The following OTUD7A variants were observed in gnomAD, a reference collection of about 807,000 sequenced individuals.
The protein encoded by OTUD7A is OTU domain-containing protein 7A.
OTUD7A carries 12 observed loss-of-function variants against 65.7 expected under a neutral mutation model. The ratio of observed to expected loss-of-function variants is 0.18; its 90% CI spans 0.12 to 0.30. The LOEUF (loss-of-function observed/expected upper bound fraction) is 0.30. Ranked by LOEUF, OTUD7A falls within the 10% of genes least tolerant of loss-of-function variation. The pLI, the probability that OTUD7A is intolerant of heterozygous loss-of-function variation, is 1.00. For synonymous variants in OTUD7A, 641 were observed against 586.3 expected (o/e 1.09, Z -1.35); for missense variants, 1,148 against 1,304.8 (o/e 0.88, Z 1.85).
intron 1 of OTUD7A, among the ~76,000 whole-genome samples, chr15:31,691,536 T>C (rs1489545331): frequency 6.6e-6 from 1 of 152,022 alleles, no homozygotes; most frequent in Non-Finnish European, 1.5e-5. Context: ...AATATCCATA[T>C]GCAGAAGAAT....
In OTUD7A at chr15:31,484,094, C is replaced by T; in HGVS notation, c.2002G>A (p.Ala668Thr). The T allele has an allele frequency of 1.2e-6, 2 of 1,601,348 alleles. No homozygotes were observed. The highest frequency in any genetic ancestry group is 8.5e-7 in the Non-Finnish European group (1 of 1,178,690). Residue 668 changes from alanine to threonine, a missense_variant, in exon 13 of 13, where the codon GCG becomes ACG. Ala to Thr is a moderately conservative substitution (Grantham distance 58). This residue lies in a region of OTUD7A where 842 missense variants were observed against 769.5 expected (regional missense o/e 1.09). Transcript: ENST00000307050. The surrounding 1 kb of genome is among the most constrained non-coding windows in gnomAD (Gnocchi z 4.5). ...TGCTCGGCGCTGAAGCGCTCCTGCG[C>T]GCTCGTCAGGTAGTAGCCGATCATC... The part of the protein sequence containing the change: ...EEMIGYYLTS[A>T]QERFSAEQEQ...
At chr15:31,792,246 CCTGA>C (rs1567025074) in intron 1 of OTUD7A, among the ~76,000 whole-genome samples, 1 of 152,184 alleles carries the variant, frequency 6.6e-6, no homozygotes, top group African/African-American at 2.4e-5. Context: ...GAATGTGTCT[CCTGA>C]CTGACACCCC....
intron 8 of OTUD7A, among the ~76,000 whole-genome samples, chr15:31,510,257 C>T (rs1238922762): frequency 1.3e-5 from 2 of 152,094 alleles, no homozygotes; most frequent in African/African-American, 4.8e-5. Flanking sequence ...TAGGTCCTTT[C>T]ATCTTGTTGG....
intron 8 of OTUD7A, among the ~76,000 whole-genome samples, chr15:31,524,713 C>G (rs542494646): frequency 1.3e-5 from 2 of 152,306 alleles, no homozygotes; most frequent in African/African-American, 4.8e-5. Flanking sequence ...GCAGCCAGAA[C>G]TATGGCTCCC....
intron 10 of OTUD7A, among the ~76,000 whole-genome samples, chr15:31,497,605 T>G (rs2041406487): frequency 6.6e-6 from 1 of 152,142 alleles, no homozygotes; most frequent in Non-Finnish European, 1.5e-5. Context: ...ACACCTTCCA[T>G]GAAACAAAGC....
chr15:31,765,915 G>A, intron 1 of OTUD7A: 9 of 1,274,186 alleles, frequency 7.1e-6, no homozygotes, highest in Non-Finnish European at 1.0e-5. Context: ...CTCCTTTAGA[G>A]GTAAAGTCCT....
At chr15:31,502,301 T>C (rs1161513959) in intron 9 of OTUD7A, among the ~76,000 whole-genome samples, 1 of 152,188 alleles carries the variant, frequency 6.6e-6, no homozygotes, top group East Asian at 1.9e-4. Flanking sequence ...AGATGGGAAC[T>C]GAGAATCAGA....
chr15:31,560,418 A>G (rs1172859414), intron 4 of OTUD7A, among the ~76,000 whole-genome samples: 1 of 152,224 alleles, frequency 6.6e-6, no homozygotes, highest in Non-Finnish European at 1.5e-5. Context: ...CTAAGGTACA[A>G]TATGTTACCA....
rs114840521 is a variant in OTUD7A, at chr15:31,858,545, A to T, written c.-100+11962T>A. ...AAGGGCACAAAGACTCGTCCAAGGAAAACACTATTAAGGAGGGAAAGCAGG... is the reference window on the plus strand; with the variant it reads ...AAGGGCACAAAGACTCGTCCAAGGATAACACTATTAAGGAGGGAAAGCAGG... On this transcript the variant is annotated intron_variant, in intron 1 of 12. Transcript: ENST00000307050. 7.0e-3 allele frequency among the ~76,000 whole-genome samples: 1,067 copies of T among 152,298 alleles called. 15 individuals are homozygous for T. Among genetic ancestry groups the T allele is most frequent in the African/African-American group, 0.025 (1,027 of 41,554 alleles).
At chr15:31,601,293 A>G (rs1166309637) in intron 3 of OTUD7A, among the ~76,000 whole-genome samples, 3 of 152,256 alleles carry the variant, frequency 2.0e-5, no homozygotes, top group Non-Finnish European at 4.4e-5. Flanking sequence ...ATTAGAACTC[A>G]GGATTAAGAA....
At chr15:31,844,322 T>C (rs957539960) in intron 1 of OTUD7A, among the ~76,000 whole-genome samples, 1 of 152,172 alleles carries the variant, frequency 6.6e-6, no homozygotes, top group African/African-American at 2.4e-5. Flanking sequence ...CTGACCAGCA[T>C]AGTGAAACCC....
chr15:31,753,706 A>T (rs1444337613), intron 1 of OTUD7A, among the ~76,000 whole-genome samples: 3 of 70,760 alleles, frequency 4.2e-5, no homozygotes. Context: ...TATATATTAT[A>T]TATATATATA....
At chr15:31,509,489 C>T (rs2041643043) in intron 8 of OTUD7A, among the ~76,000 whole-genome samples, 1 of 152,082 alleles carries the variant, frequency 6.6e-6, no homozygotes, top group African/African-American at 2.4e-5. Flanking sequence ...CCATGTTAGC[C>T]AGGATGGTCT....
At chr15:31,684,269 A>G (rs1892786058) in intron 1 of OTUD7A, among the ~76,000 whole-genome samples, 1 of 152,128 alleles carries the variant, frequency 6.6e-6, no homozygotes, top group Admixed American at 6.5e-5. Context: ...GGAGTAGAGA[A>G]GCAGGAGAAA....
At chr15:31,727,500 A>G (rs946453930) in intron 1 of OTUD7A, among the ~76,000 whole-genome samples, 2 of 152,216 alleles carry the variant, frequency 1.3e-5, no homozygotes, top group African/African-American at 4.8e-5. Context: ...ACAAAAATCC[A>G]TGTTGAAATG....
intron 1 of OTUD7A, among the ~76,000 whole-genome samples, chr15:31,690,302 T>G (rs973051880): frequency 6.6e-6 from 1 of 152,202 alleles, no homozygotes; most frequent in African/African-American, 2.4e-5. Flanking sequence ...GTTTGCTAAC[T>G]GATCACGAAT....
intron 5 of OTUD7A, among the ~76,000 whole-genome samples, chr15:31,553,005 T>C (rs1888373698): frequency 1.3e-5 from 2 of 152,130 alleles, no homozygotes; most frequent in African/African-American, 4.8e-5. Flanking sequence ...GTGAGAGCTA[T>C]AAGGAGAAGG....
intron 1 of OTUD7A, among the ~76,000 whole-genome samples, chr15:31,691,318 T>C (rs1294722831): frequency 2.0e-5 from 3 of 151,918 alleles, no homozygotes; most frequent in Non-Finnish European, 2.9e-5. Context: ...AAAGGCATCA[T>C]GGTTGTGTTT....
intron 8 of OTUD7A, among the ~76,000 whole-genome samples, chr15:31,509,341 C>T (rs2041639547): frequency 6.6e-6 from 1 of 151,690 alleles, no homozygotes. Context: ...TGCAGTGGTG[C>T]GATCTCAGCT....
Sources: allele counts gnomAD v4.1 joint callset (sites outside exome capture counted in the v4.1 genomes callset), GRCh38; gene constraint gnomAD v4.1.1; regional missense constraint gnomAD v4.1.1; non-coding constraint Gnocchi (gnomAD v3.1); transcripts MANE v1.5; gene names NCBI Gene and HGNC (gene_info 2026-07-23, HGNC 2026-07-21).